Variants in DPY19L3 observed in about 807,000 individuals in gnomAD.
The protein encoded by DPY19L3 is dpy-19 like C-mannosyltransferase 3.
A neutral mutation model predicts 92.3 loss-of-function variants in DPY19L3; 51 were observed. The ratio of observed to expected loss-of-function variants is 0.55; its 90% confidence interval spans 0.44 to 0.70. The LOEUF (loss-of-function observed/expected upper bound fraction) is 0.70. DPY19L3 is among the 30% of genes least tolerant of loss of function. The pLI, the probability that DPY19L3 is intolerant of heterozygous loss-of-function variation, is 0.00. For synonymous variants in DPY19L3, 309 were observed against 315.2 expected (o/e 0.98, Z 0.21); for missense variants, 706 against 855.9 (o/e 0.82, Z 2.18).
At chr19:32,478,043 TCAGTTACCTCCCAC>T (rs1160685703) in intron 17 of DPY19L3, among the ~76,000 whole-genome samples, 3 of 152,134 alleles carry the variant, frequency 2.0e-5, no homozygotes, top group African/African-American at 7.2e-5. Context: ...CCCCCATGAT[TCAGTTACCTCCCAC>T]CAGGTCCCTA....
At chr19:32,436,825 GCT>G (rs1200189178) in intron 5 of DPY19L3, among the ~76,000 whole-genome samples, 1 of 152,090 alleles carries the variant, frequency 6.6e-6, no homozygotes, top group African/African-American at 2.4e-5. Flanking sequence ...ATTTTCATTT[GCT>G]CTCTGTAATC....
chr19:32,413,444 CTTTT>C (rs66733163), intron 3 of DPY19L3, among the ~76,000 whole-genome samples: 2 of 148,754 alleles, frequency 1.3e-5, no homozygotes, highest in Non-Finnish European at 3.0e-5. Context: ...AAGAATAATT[CTTTT>C]TTTTTTTAAT....
chr19:32,462,277 C>T (rs775561054), intron 12 of DPY19L3, among the ~76,000 whole-genome samples: 101 of 151,874 alleles, frequency 6.7e-4, no homozygotes, highest in Non-Finnish European at 1.1e-3. Context: ...GACTATACAG[C>T]GTGGAAACAC....
At chr19:32,426,117 G>A (rs1248241116) in intron 3 of DPY19L3, among the ~76,000 whole-genome samples, 1 of 152,160 alleles carries the variant, frequency 6.6e-6, no homozygotes, top group East Asian at 1.9e-4. Flanking sequence ...GCTTCACCTT[G>A]CACTTGTATG....
intron 3 of DPY19L3, among the ~76,000 whole-genome samples, chr19:32,421,381 T>C (rs1206434616): frequency 1.3e-5 from 2 of 152,194 alleles, no homozygotes; most frequent in Non-Finnish European, 2.9e-5. Flanking sequence ...GGCTCACGCC[T>C]GTAATCCCAG....
intron 3 of DPY19L3, among the ~76,000 whole-genome samples, chr19:32,416,221 AT>A (rs1313066665): frequency 2.6e-5 from 4 of 152,202 alleles, no homozygotes. Flanking sequence ...GGATGTCTTG[AT>A]TCATTGTGTG....
At chr19:32,406,659 T>C (rs143838028) in intron 1 of DPY19L3, among the ~76,000 whole-genome samples, 1 of 152,182 alleles carries the variant, frequency 6.6e-6, no homozygotes, top group African/African-American at 2.4e-5. Context: ...GCGCTAGTCG[T>C]CCTTATTAAT....
chr19:32,438,006 C>T (rs1969200951), intron 6 of DPY19L3, among the ~76,000 whole-genome samples: 1 of 152,004 alleles, frequency 6.6e-6, no homozygotes, highest in Non-Finnish European at 1.5e-5. Flanking sequence ...CACTATCAAC[C>T]TTAATAGGGT....
chr19:32,436,457 C>CTAATATATGA lies in DPY19L3; in HGVS notation c.346_355dup (p.Lys119IlefsTer2). On this transcript the variant is annotated frameshift_variant, in exon 5 of 19. Transcript: ENST00000392250. LOFTEE classifies it high-confidence loss of function. ...TCACATATCTATAGGTTTTCATGGC[C>CTAATATATGA]TAATATATGATAATAAAACTGAATC... 6.6e-7 allele frequency: 1 copy of CTAATATATGA among 1,522,156 alleles called. No homozygotes were observed. The allele number at this position is 1,522,156 out of a possible 1,614,324, so 94.3% of individuals were successfully genotyped here. A position where few individuals can be genotyped will look rare whatever the true frequency, so the allele number is the denominator to read the frequency against.
intron 1 of DPY19L3, among the ~76,000 whole-genome samples, chr19:32,407,822 A>G (rs368510281): frequency 6.6e-6 from 1 of 152,188 alleles, no homozygotes; most frequent in African/African-American, 2.4e-5. Context: ...GCTGGGCACA[A>G]TGGCTCATTC....
rs190446205 is a variant in DPY19L3 at position 32,435,634 on chromosome 19, T to C, written c.329-812T>C. ...TCTCACAGAGTGTATTGTAAAACTT[T>C]TTTTGCCAAGGCAGTAGGTGAGAAC... On this transcript the variant is annotated intron_variant, in intron 4 of 18. Transcript: ENST00000392250. Among the ~76,000 whole-genome samples the C allele has an allele frequency of 7.2e-5, 11 of 152,352 alleles. No individual in the cohort carries two copies. The East Asian group carries it at 2.1e-3, about 29-fold the overall frequency.
rs1414824546 is a variant in DPY19L3, at chr19:32,437,331, C to G, written c.588C>G (p.Val196=). Residue 196 remains valine, a synonymous_variant, in exon 6 of 19, where the codon GTC becomes GTG. Coordinates refer to ENST00000392250, the MANE Select transcript of DPY19L3 (RefSeq NM_001172774.2). ...GACTGTTGGCAGCTTTCTGGTATGT[C>G]ACAAATAGGTGAGTTGGAGTCAGTA... is the stretch of plus-strand genomic sequence containing the variant. ...LSGLLAAFWY[V]TNRIDTTRVE... 1.9e-6 allele frequency: 3 copies of G among 1,613,298 alleles called. No individual in the cohort carries two copies. Among genetic ancestry groups the G allele is most frequent in the Non-Finnish European group, 2.5e-6 (3 of 1,179,604 alleles).
chr19:32,469,466 A>G (rs1333448282), intron 16 of DPY19L3, among the ~76,000 whole-genome samples: 1 of 151,402 alleles, frequency 6.6e-6, no homozygotes, highest in African/African-American at 2.4e-5. Flanking sequence ...ACTACACTTC[A>G]TCCTGGGCGA....
intron 15 of DPY19L3, among the ~76,000 whole-genome samples, chr19:32,465,399 T>C (rs1970170297): frequency 1.3e-5 from 2 of 152,256 alleles, no homozygotes; most frequent in African/African-American, 4.8e-5. Flanking sequence ...TGTCACATCT[T>C]TGACATTGGC....
chr19:32,480,747 C>A, intron 18 of DPY19L3, 190 bp downstream of exon 18: 2 of 779,838 alleles, frequency 2.6e-6, no homozygotes, highest in Non-Finnish European at 4.0e-6. Flanking sequence ...CGGGGCTGGG[C>A]AAGGGAGAGG....
intron 14 of DPY19L3, 66 bp from the exon 15 acceptor site, chr19:32,464,662 A>AC (rs1469852065): frequency 2.0e-6 from 2 of 1,021,300 alleles, no homozygotes; most frequent in Non-Finnish European, 2.9e-6. Flanking sequence ...ACATAGCAAG[A>AC]CCCTGTCTCT....
At chr19:32,460,300 A>T (rs981785584) in intron 12 of DPY19L3, among the ~76,000 whole-genome samples, 1 of 152,126 alleles carries the variant, frequency 6.6e-6, no homozygotes, top group South Asian at 2.1e-4. Flanking sequence ...AGTGCTAACA[A>T]GTCGGGAGGC....
chr19:32,473,591 T>A (rs1390241685), intron 16 of DPY19L3, among the ~76,000 whole-genome samples: 1 of 152,210 alleles, frequency 6.6e-6, no homozygotes, highest in Non-Finnish European at 1.5e-5. Context: ...TTTAGAAATG[T>A]GTGATTGTTT....
At position 32,483,392 on chromosome 19, in the gene DPY19L3, C is replaced by T. The variant is rs3746017; in HGVS notation, c.*1152C>T. The stretch of plus-strand genomic sequence containing the variant: ...ACCTGCTCAAAATTTTTTTGATAAT[C>T]GCTTATATAATTAATTTCTAATGAT... On this transcript the variant is annotated 3_prime_UTR_variant, in exon 19 of 19. Coordinates refer to ENST00000392250, the MANE Select transcript of DPY19L3 (RefSeq NM_001172774.2). 84,433 of 152,374 alleles carry T rather than the reference C, an allele frequency of 0.55. 23,807 individuals are homozygous for T. The highest frequency in any genetic ancestry group is 0.63 in the East Asian group (3,265 of 5,180). The allele number at this position is 152,374 out of a possible 1,614,324, so 9.4% of individuals were successfully genotyped here.
Sources: gnomAD v4.1 joint callset for allele counts (sites outside exome capture counted in the v4.1 genomes callset) on GRCh38, gnomAD v4.1.1 for gene constraint, MANE v1.5 for transcripts, NCBI Gene and HGNC (gene_info 2026-07-23, HGNC 2026-07-21) for gene names.